The following CD109 variants were observed in gnomAD, a reference collection of about 807,000 sequenced individuals.
CD109 encodes the protein CD109 antigen.
A neutral mutation model predicts 165.8 loss-of-function variants in CD109; 149 were observed. The observed-to-expected ratio is 0.90, with a 90% CI of 0.79 to 1.03. The LOEUF (loss-of-function observed/expected upper bound fraction) is 1.03. Ranked by LOEUF, CD109 falls within the 50% of genes least tolerant of loss-of-function variation. The probability of loss-of-function intolerance (pLI) is 0.00; values close to 1 mark genes in which losing one functional copy is unlikely to be tolerated. For synonymous variants in CD109, 585 were observed against 592.1 expected (o/e 0.99, Z 0.18); for missense variants, 1,712 against 1,677.8 (o/e 1.02, Z -0.36).
chr6:73,730,613 A>G (rs942852229), intron 4 of CD109, 39 bp downstream of exon 4: 1 of 1,351,932 alleles, frequency 7.4e-7, no homozygotes, highest in Non-Finnish European at 1.0e-6. Flanking sequence ...AATTCTAGCC[A>G]TCTTACTAAA....
At chr6:73,804,489 T>C (rs1346263703) in intron 24 of CD109, among the ~76,000 whole-genome samples, 2 of 152,206 alleles carry the variant, frequency 1.3e-5, no homozygotes, top group Non-Finnish European at 2.9e-5. Flanking sequence ...CTTTCTTTCC[T>C]GTCTTTGTCT....
chr6:73,745,585 A>G (rs572567903), intron 5 of CD109, among the ~76,000 whole-genome samples: 2 of 152,170 alleles, frequency 1.3e-5, no homozygotes, highest in South Asian at 4.1e-4. Flanking sequence ...CACAGCAGCC[A>G]TGTGTTTAGA....
At chr6:73,822,829 A>G (rs772073307) in intron 32 of CD109, among the ~76,000 whole-genome samples, 9 of 152,236 alleles carry the variant, frequency 5.9e-5, no homozygotes, top group Non-Finnish European at 1.0e-4. Context: ...TCTCTGAAAA[A>G]TCATGAATAA....
chr6:73,686,270 G>A, the CD109 span, among the ~76,000 whole-genome samples: 1 of 152,168 alleles, frequency 6.6e-6, no homozygotes, highest in Non-Finnish European at 1.5e-5. Flanking sequence ...GAGGGGATGA[G>A]CCCTGGAAAC....
chr6:73,699,285 A>AT (rs1770969894), intron 2 of CD109, among the ~76,000 whole-genome samples: 1 of 152,220 alleles, frequency 6.6e-6, no homozygotes, highest in South Asian at 2.1e-4. Context: ...TGATGAAATA[A>AT]CATGTACACT....
At chr6:73,747,339 T>TA (rs560121135) in intron 5 of CD109, among the ~76,000 whole-genome samples, 18 of 151,560 alleles carry the variant, frequency 1.2e-4, no homozygotes, top group East Asian at 3.9e-4. Context: ...GCCAGTCTTC[T>TA]AAAAAAAAAT....
intron 23 of CD109, among the ~76,000 whole-genome samples, chr6:73,796,300 C>T (rs1462219789): frequency 6.6e-6 from 1 of 152,276 alleles, no homozygotes; most frequent in Non-Finnish European, 1.5e-5. Context: ...CTTGGCCTCC[C>T]TCCTTAGCCT....
chr6:73,717,786 A>G (rs574524309), intron 2 of CD109, among the ~76,000 whole-genome samples: 1 of 151,232 alleles, frequency 6.6e-6, no homozygotes, highest in South Asian at 2.1e-4. Context: ...CGCCCGGCTA[A>G]TTTTTTGTAT....
chr6:73,768,580 A>T (rs75230155), intron 14 of CD109, among the ~76,000 whole-genome samples: 8 of 151,384 alleles, frequency 5.3e-5, no homozygotes, highest in African/African-American at 1.2e-4. Context: ...TTGCAGTGAT[A>T]TAAAGGGTGT....
the CD109 span, among the ~76,000 whole-genome samples, chr6:73,689,519 A>G: frequency 6.6e-6 from 1 of 152,232 alleles, no homozygotes; most frequent in African/African-American, 2.4e-5. Context: ...TTGAGTGTAT[A>G]AAAGTGGGAA....
At chr6:73,729,290 T>G (rs1291590597) in intron 3 of CD109, among the ~76,000 whole-genome samples, 1 of 152,128 alleles carries the variant, frequency 6.6e-6, no homozygotes, top group African/African-American at 2.4e-5. Flanking sequence ...TTGAAGGGAC[T>G]AAAGTCAGAG....
the CD109 span, among the ~76,000 whole-genome samples, chr6:73,679,674 T>C: frequency 6.6e-6 from 1 of 152,004 alleles, no homozygotes; most frequent in Non-Finnish European, 1.5e-5. Context: ...TTCCCTTTGT[T>C]GTCTAGGCTG....
intron 6 of CD109, 122 bp from the exon 7 acceptor site, chr6:73,758,819 CACA>C (rs1189108941): frequency 6.0e-6 from 4 of 670,080 alleles, no homozygotes; most frequent in African/African-American, 5.5e-5. Flanking sequence ...TTAACTCCTT[CACA>C]ACAATTTTAT....
At position 73,696,319 on chromosome 6, in the gene CD109, G is replaced by A. The variant is rs771046714; in HGVS notation, c.74+30G>A. The A allele has an allele frequency of 1.1e-5, 16 of 1,444,280 alleles. 1 individual carries two copies. In the South Asian group the frequency reaches 2.3e-4, roughly 20 times the overall value. The allele number at this position is 1,444,280 out of a possible 1,614,324, so 89.5% of individuals were successfully genotyped here. On this transcript the variant is annotated intron_variant, in intron 1 of 32. Transcript: ENST00000287097. Reference sequence around the variant, plus strand: ...GAACGTGGGCGCGCGGGGGGCGCGCGGGCGCGCGGGCCTGGGCCGCTCTGC... The same window carrying A: ...GAACGTGGGCGCGCGGGGGGCGCGCAGGCGCGCGGGCCTGGGCCGCTCTGC...
chr6:73,787,324 G>T lies in CD109; in HGVS notation c.2428G>T (p.Val810Phe), dbSNP rs1227266150. The T allele has an allele frequency of 3.1e-6, 5 of 1,613,874 alleles. No homozygotes were observed. Among genetic ancestry groups the T allele is most frequent in the East Asian group, 4.5e-5 (2 of 44,882 alleles). ...CACAGGCCACCAGCAGACCCTTCTG[G>T]TTCCCAGTGAGGATGGGGCAACTGT... Reference protein sequence around the residue: ...NATGHQQTLLVPSEDGATVLF... With the variant: ...NATGHQQTLLFPSEDGATVLF... Residue 810 changes from valine (V) to phenylalanine (F), a missense_variant, in exon 21 of 33, where the codon GTT (valine) becomes TTT (phenylalanine). By Grantham distance (50) the Val-to-Phe change is conservative (BLOSUM62 -1). Coordinates refer to ENST00000287097, the MANE Select transcript of CD109 (RefSeq NM_133493.5).
the CD109 span, among the ~76,000 whole-genome samples, chr6:73,682,059 A>G: frequency 1.9e-4 from 29 of 152,248 alleles, no homozygotes; most frequent in African/African-American, 6.5e-4. Context: ...TTTGGGACAC[A>G]GCAAAACCAT....
At chr6:73,763,822 C>T (rs1022872700) in intron 10 of CD109, 137 bp downstream of exon 10, 1 of 414,054 alleles carries the variant, frequency 2.4e-6, no homozygotes, top group African/African-American at 2.1e-5. Context: ...ACATGTGGGG[C>T]ATGTAGATTT....
intron 20 of CD109, 56 bp downstream of exon 20, chr6:73,785,533 C>T (rs1436094283): frequency 5.0e-6 from 5 of 1,007,910 alleles, no homozygotes; most frequent in Admixed American, 2.2e-5. Flanking sequence ...ATCGAGGTAG[C>T]ATGAAGGGAT....
At chr6:73,814,684 A>G (rs1051257916) in intron 29 of CD109, among the ~76,000 whole-genome samples, 2 of 152,142 alleles carry the variant, frequency 1.3e-5, no homozygotes, top group African/African-American at 4.8e-5. Flanking sequence ...TCCTCAAGGG[A>G]ATGTTTGCCC....
Sources: allele counts gnomAD v4.1 joint callset (sites outside exome capture counted in the v4.1 genomes callset), GRCh38; gene constraint gnomAD v4.1.1; transcripts MANE v1.5; gene names NCBI Gene and HGNC (gene_info 2026-07-23, HGNC 2026-07-21).